The following ASIC2 variants were observed in gnomAD, a reference collection of about 807,000 sequenced individuals.
The protein encoded by ASIC2 is acid-sensing ion channel 2.
A neutral mutation model predicts 57.3 loss-of-function variants in ASIC2; 25 were observed. The observed-to-expected ratio is 0.44, with a 90% CI of 0.32 to 0.61. The LOEUF (loss-of-function observed/expected upper bound fraction) is 0.61. ASIC2 is among the 20% of genes least tolerant of loss of function. The probability of loss-of-function intolerance (pLI) is 0.06; values close to 1 mark genes in which losing one functional copy is unlikely to be tolerated. For missense variants in ASIC2, 641 were observed against 738.1 expected, an observed-to-expected ratio of 0.87 and a Z score of 1.52; for synonymous variants, 319 against 307.5, an observed-to-expected ratio of 1.04 and a Z score of -0.39.
intron 1 of ASIC2, among the ~76,000 whole-genome samples, chr17:33,273,081 T>C (rs928244935): frequency 6.6e-6 from 1 of 152,174 alleles, no homozygotes; most frequent in Non-Finnish European, 1.5e-5. Context: ...TCTGGCAATG[T>C]AGGAGAAGAG....
At chr17:33,516,933 T>C (rs1914589414) in intron 1 of ASIC2, among the ~76,000 whole-genome samples, 1 of 152,226 alleles carries the variant, frequency 6.6e-6, no homozygotes, top group Non-Finnish European at 1.5e-5. Context: ...CTGGCTCCTT[T>C]GTCAAAACCC....
intron 1 of ASIC2, among the ~76,000 whole-genome samples, chr17:34,055,931 G>C (rs1908750233): frequency 6.6e-6 from 1 of 152,192 alleles, no homozygotes; most frequent in African/African-American, 2.4e-5. Flanking sequence ...TGGGAATAGA[G>C]TAGAGGGGGC....
chr17:33,590,817 A>G lies in ASIC2; in HGVS notation c.556-478750T>C, dbSNP rs112301610. ...TCACTTAGAGTGTCCACAGGTCTGC[A>G]TGGGAGAAAATTTCTAGAAATTCTG... On this transcript the variant is annotated intron_variant, in intron 1 of 9. Transcript: ENST00000359872. 3.7e-3 allele frequency among the ~76,000 whole-genome samples: 560 copies of G among 152,344 alleles called. 1 individual carries two copies. Among genetic ancestry groups the G allele is most frequent in the Middle Eastern group, 6.8e-3 (2 of 294 alleles).
At chr17:34,121,005 G>A (rs886950599) in intron 1 of ASIC2, among the ~76,000 whole-genome samples, 1 of 152,052 alleles carries the variant, frequency 6.6e-6, no homozygotes, top group Non-Finnish European at 1.5e-5. Context: ...CTCCCAAAGT[G>A]CTGGGATTAC....
At chr17:33,496,515 A>G (rs2141938400) in intron 1 of ASIC2, among the ~76,000 whole-genome samples, 1 of 151,014 alleles carries the variant, frequency 6.6e-6, no homozygotes, top group Non-Finnish European at 1.5e-5. Flanking sequence ...CCATCACCTG[A>G]CAATTCAAAT....
At chr17:33,401,167 A>G (rs1458803038) in intron 1 of ASIC2, among the ~76,000 whole-genome samples, 1 of 152,176 alleles carries the variant, frequency 6.6e-6, no homozygotes. Flanking sequence ...TTCCACTCTT[A>G]TTTAACTGGC....
intron 1 of ASIC2, among the ~76,000 whole-genome samples, chr17:33,739,026 C>A (rs1388982350): frequency 6.6e-6 from 1 of 152,250 alleles, no homozygotes; most frequent in Non-Finnish European, 1.5e-5. Flanking sequence ...GTAAGAATAA[C>A]AGCCCCAGTT....
At chr17:33,253,904 A>G (rs1016885093) in intron 1 of ASIC2, among the ~76,000 whole-genome samples, 1 of 152,170 alleles carries the variant, frequency 6.6e-6, no homozygotes, top group African/African-American at 2.4e-5. Flanking sequence ...CAACCCACCC[A>G]GGCTCTCTAC....
intron 1 of ASIC2, among the ~76,000 whole-genome samples, chr17:33,153,631 G>T (rs1904884703): frequency 6.6e-6 from 1 of 152,162 alleles, no homozygotes; most frequent in Non-Finnish European, 1.5e-5. Flanking sequence ...AGTGATATAT[G>T]TTTCCCAGGT....
Position 33,494,075 on chromosome 17 carries a change from C to T in ASIC2, c.556-382008G>A, listed in dbSNP as rs544466693. Among the ~76,000 whole-genome samples, 12 of 152,332 alleles carry T rather than the reference C, an allele frequency of 7.9e-5. No individual in the cohort carries two copies. In the South Asian group the frequency reaches 2.3e-3, roughly 29 times the overall value. ...TTTGTCTAGATCCCATAGCCTGTGG[C>T]TAGGAAATGGTAAGCTGGGCCAGGA... is the stretch of plus-strand genomic sequence containing the variant. On this transcript the variant is annotated intron_variant, in intron 1 of 9. Coordinates refer to the ASIC2 transcript ENST00000359872.
intron 1 of ASIC2, among the ~76,000 whole-genome samples, chr17:33,840,896 T>C (rs574105445): frequency 2.0e-4 from 30 of 151,948 alleles, no homozygotes; most frequent in African/African-American, 6.8e-4. Flanking sequence ...ATTAACAAAA[T>C]TGGAGCATCT....
At chr17:33,836,855 A>G (rs114771653) in intron 1 of ASIC2, among the ~76,000 whole-genome samples, 3,823 of 152,240 alleles carry the variant, frequency 0.025, 177 homozygotes, top group African/African-American at 0.088. Context: ...TCCGTCTCAA[A>G]AATAAAAAAG....
intron 1 of ASIC2, among the ~76,000 whole-genome samples, chr17:34,062,962 C>T (rs752877182): frequency 1.3e-5 from 2 of 152,132 alleles, no homozygotes; most frequent in African/African-American, 4.8e-5. Context: ...TGGTACCAAT[C>T]CTTTTGACAC....
At chr17:33,164,173 A>G (rs1208492116) in intron 1 of ASIC2, among the ~76,000 whole-genome samples, 1 of 152,184 alleles carries the variant, frequency 6.6e-6, no homozygotes, top group African/African-American at 2.4e-5. Context: ...GGGCTGGCCC[A>G]GGCCTGTCCA....
chr17:33,172,969 G>A (rs1905585131), intron 1 of ASIC2, among the ~76,000 whole-genome samples: 1 of 147,854 alleles, frequency 6.8e-6, no homozygotes, highest in Admixed American at 6.6e-5. Context: ...GTGCCTGGCT[G>A]TGGGCCCATG....
At chr17:33,603,655 T>C (rs1905161250) in intron 1 of ASIC2, among the ~76,000 whole-genome samples, 1 of 152,194 alleles carries the variant, frequency 6.6e-6, no homozygotes, top group Non-Finnish European at 1.5e-5. Context: ...AAGTCAAAAC[T>C]GGATTCTAGA....
intron 1 of ASIC2, among the ~76,000 whole-genome samples, chr17:33,776,132 CAAA>C (rs35541526): frequency 0.38 from 48,840 of 127,018 alleles, 9,571 homozygotes; most frequent in Middle Eastern, 0.5. Context: ...GACTCTGTCT[CAAA>C]AAAAAAAAAA....
intron 1 of ASIC2, among the ~76,000 whole-genome samples, chr17:33,220,653 G>A (rs899858808): frequency 1.3e-5 from 2 of 152,084 alleles, no homozygotes; most frequent in Non-Finnish European, 2.9e-5. Context: ...CAAAGCACCC[G>A]GCCTAATTCC....
intron 1 of ASIC2, among the ~76,000 whole-genome samples, chr17:33,362,157 C>T (rs768964658): frequency 6.6e-6 from 1 of 152,170 alleles, no homozygotes. Context: ...GAAACAGGAA[C>T]AACTAGGGGA....
Sources: allele counts gnomAD v4.1 joint callset (sites outside exome capture counted in the v4.1 genomes callset), GRCh38; gene constraint gnomAD v4.1.1; transcripts MANE v1.5; gene names NCBI Gene and HGNC (gene_info 2026-07-23, HGNC 2026-07-21).